ROBO3: variants seen among roughly 807,000 people sequenced by gnomAD.
The protein encoded by ROBO3 is roundabout guidance receptor 3.
ROBO3 carries 97 observed loss-of-function variants against 160.5 expected under a neutral mutation model. That is an observed-to-expected ratio of 0.60 (90% confidence interval 0.51 to 0.72). The LOEUF (loss-of-function observed/expected upper bound fraction) is 0.72. Among genes scored for constraint, ROBO3 ranks in the 30% least tolerant of loss-of-function variants. The pLI, the probability that ROBO3 is intolerant of heterozygous loss-of-function variation, is 0.00. For missense variants in ROBO3, 1,858 were observed against 1,846.5 expected (o/e 1.01, Z -0.11); for synonymous variants, 780 against 746.2 (o/e 1.05, Z -0.74).
Position 124,874,842 on chromosome 11 carries a change from C to A in ROBO3, c.2006C>A (p.Ala669Glu), listed in dbSNP as rs755278244. The change falls in exon 13 of 28, where the codon GCG becomes GAG. Residue 669 changes from alanine to glutamate, a missense_variant. Physicochemically the swap from Ala to Glu is moderately radical, Grantham distance 107. Transcript: ENST00000397801. Reference sequence around the variant, plus strand: ...CCATGGAGAGGCCAGCAGGGACTGGCGGAAGTGGCTGTGCGCCTGCAGGAG... The same window carrying A: ...CCATGGAGAGGCCAGCAGGGACTGGAGGAAGTGGCTGTGCGCCTGCAGGAG... ...EDPWRGQQGL[A>E]EVAVRLQEPI... is the part of the protein sequence containing the mutation. 3 of 1,602,088 alleles carry A rather than the reference C, an allele frequency of 1.9e-6. No homozygotes were observed. Among genetic ancestry groups the A allele is most frequent in the South Asian group, 2.3e-5 (2 of 88,756 alleles).
rs754489683 is a variant in ROBO3, at chr11:124,869,666, T to C, written c.645+59T>C. The C allele has an allele frequency of 7.4e-6, 11 of 1,485,358 alleles. No individual in the cohort carries two copies. The highest frequency in any genetic ancestry group is 6.4e-5 in the Admixed American group (3 of 46,532). The allele number at this position is 1,485,358 out of a possible 1,614,324, so 92.0% of individuals were successfully genotyped here. Reference sequence around the variant, plus strand: ...AGGGAGGGGACATAGGGTAGGGAGGTGACAAGGCTGGAGATTGAGATCAGG... The same window carrying C: ...AGGGAGGGGACATAGGGTAGGGAGGCGACAAGGCTGGAGATTGAGATCAGG... On this transcript the variant is annotated intron_variant, in intron 3 of 27. Coordinates refer to ENST00000397801, the MANE Select transcript of ROBO3 (RefSeq NM_022370.4). This position sits in a 1 kb window ranked among gnomAD's most constrained non-coding sequence, Gnocchi z 4.2.
intron 5 of ROBO3, 32 bp downstream of exon 5, chr11:124,870,335 C>G: frequency 6.2e-7 from 1 of 1,600,342 alleles, no homozygotes; most frequent in Non-Finnish European, 8.5e-7. Context: ...GTAGGAAGAC[C>G]CAACCTGATC....
In ROBO3 at chr11:124,872,482, G is replaced by A. The variant is rs1477371283; in HGVS notation, c.1260G>A (p.Gly420=). The change falls in exon 8 of 28, where the codon GGG becomes GGA. Residue 420 remains glycine (G), a synonymous_variant. Coordinates refer to ENST00000397801, the MANE Select transcript of ROBO3 (RefSeq NM_022370.4). This position sits in a 1 kb window ranked among gnomAD's most constrained non-coding sequence, Gnocchi z 4.3. The part of the protein sequence containing the change: ...NITAVQRGDA[G]YYVCQAVSVA... ...CCGCGGTGCAGCGTGGGGATGCTGG[G>A]TACTACGTGTGCCAGGCTGTCAGTG... 2.5e-6 allele frequency: 4 copies of A among 1,613,852 alleles called. No homozygotes were observed. The Admixed American group carries it at 6.7e-5, about 27-fold the overall frequency.
In ROBO3 at chr11:124,874,074, G is replaced by T. The variant is rs779047354; in HGVS notation, c.1789G>T (p.Ala597Ser). Residue 597 changes from alanine to serine, a missense_variant, in exon 12 of 28, where the codon GCA (alanine) becomes TCA (serine). Transcript: ENST00000397801. ...TSYVIEAFSP[A>S]AGNTWRTVAD... ...GTCATCTCCTTCTTGTTGTAGCCCA[G>T]CAGCTGGCAACACATGGCGTACTGT... 6.8e-6 allele frequency: 11 copies of T among 1,613,900 alleles called. No homozygotes were observed. In the South Asian group the frequency reaches 1.1e-4, roughly 16 times the overall value.
In ROBO3 at chr11:124,875,378, A is replaced by AAGGGGT. The variant is rs1946342057; in HGVS notation, c.2299+43_2299+48dup. On this transcript the variant is annotated intron_variant, in intron 14 of 27. Transcript: ENST00000397801. ...AACAGATGGATGGACAAGAGGGAAG[A>AAGGGGT]AGGGGTGGGGGTGGAGGTGGAGGGG... The AAGGGGT allele has an allele frequency of 4.9e-6, 4 of 818,302 alleles. No homozygotes were observed. In the East Asian group the frequency reaches 2.2e-4, roughly 44 times the overall value. The allele number at this position is 818,302 out of a possible 1,614,324, so 50.7% of individuals were successfully genotyped here.
chr11:124,873,643 C>T lies in ROBO3; in HGVS notation c.1619-54C>T, dbSNP rs1004096674. On this transcript the variant is annotated intron_variant, in intron 10 of 27. Transcript: ENST00000397801. The surrounding 1 kb of genome is among the most constrained non-coding windows in gnomAD (Gnocchi z 4.5). Reference sequence around the variant, plus strand: ...GCTCCCCTGGTAAGGAGACAGGTTACACTAGGATTATCCTTTCCCTATCTT... The same window carrying T: ...GCTCCCCTGGTAAGGAGACAGGTTATACTAGGATTATCCTTTCCCTATCTT... 73 of 1,508,280 alleles carry T rather than the reference C, an allele frequency of 4.8e-5. No homozygotes were observed. Among genetic ancestry groups the T allele is most frequent in the Non-Finnish European group, 6.2e-5 (69 of 1,110,692 alleles). 93.4% of individuals were successfully genotyped at this position (1,508,280 alleles called of 1,614,324 possible). A position where few individuals can be genotyped will look rare whatever the true frequency, so the allele number is the denominator to read the frequency against.
rs114324840 is a variant in ROBO3 at position 124,869,803 on chromosome 11, T to C, written c.646-145T>C. 84,977 of 1,292,018 alleles carry C rather than the reference T, an allele frequency of 0.066. 3,162 individuals carry two copies. Among genetic ancestry groups the C allele is most frequent in the South Asian group, 0.1 (7,234 of 70,074 alleles). 80.0% of individuals were successfully genotyped at this position (1,292,018 alleles called of 1,614,324 possible). A position where few individuals can be genotyped will look rare whatever the true frequency, so the allele number is the denominator to read the frequency against. ...TGCCCCAGGAACTTCCCATTTGATA[T>C]GTGGGTCAACTTCCTTGGTCTCCTT... On this transcript the variant is annotated intron_variant, in intron 3 of 27. Transcript: ENST00000397801. The surrounding 1 kb of genome is among the most constrained non-coding windows in gnomAD (Gnocchi z 4.2).
intron 26 of ROBO3, 111 bp downstream of exon 26, chr11:124,880,059 AT>A: frequency 9.0e-7 from 1 of 1,106,448 alleles, no homozygotes; most frequent in Non-Finnish European, 1.3e-6. Context: ...AGGTTCATGC[AT>A]TTGATCCACA....
In ROBO3 at chr11:124,879,555, G is replaced by A. The variant is rs752086818; in HGVS notation, c.3776G>A (p.Arg1259Lys). ...AAGAAACCCAAGGCTCTTCCCTACA[G>A]GAGGGAGAACAGTCCTGGGGGTGAG... ...FRKKPKALPY[R>K]RENSPGDLPP... Residue 1259 changes from arginine to lysine, a missense_variant, in exon 25 of 28, where the codon AGG (arginine) becomes AAG (lysine). By Grantham distance (26) the Arg-to-Lys change is conservative. Coordinates refer to ENST00000397801, the MANE Select transcript of ROBO3 (RefSeq NM_022370.4). The A allele has an allele frequency of 2.5e-6, 4 of 1,613,534 alleles. No homozygotes were observed. In the South Asian group the frequency reaches 4.4e-5, roughly 18 times the overall value.
rs1946300935 is a variant in ROBO3 at position 124,873,071 on chromosome 11, G to C, written c.1518G>C (p.Leu506=). The change falls in exon 9 of 28, where the codon CTG becomes CTC. Residue 506 remains leucine, a synonymous_variant. Transcript: ENST00000397801. The surrounding 1 kb of genome is among the most constrained non-coding windows in gnomAD (Gnocchi z 4.5). The part of the protein sequence containing the change: ...LQFKTMANGT[L]YIANVQEMDM... ...TCAAGACAATGGCCAACGGTACCCT[G>C]TACATCGCCAATGTGCAGGTGAGTG... The C allele has an allele frequency of 6.2e-7, 1 of 1,613,610 alleles. No homozygotes were observed. Among genetic ancestry groups the C allele is most frequent in the Admixed American group, 1.7e-5 (1 of 59,982 alleles).
chr11:124,865,454 G>A lies in ROBO3; in HGVS notation c.-124G>A, dbSNP rs572452660. ...ACCGTACCCAGGCGCACCGGCAGGA[G>A]AGCGGCACCGTGGCTGCCGCAGCGC... On this transcript the variant is annotated 5_prime_UTR_variant, in exon 1 of 28. Transcript: ENST00000397801. This position sits in a 1 kb window ranked among gnomAD's most constrained non-coding sequence, Gnocchi z 5.5. The A allele has an allele frequency of 5.2e-6, 5 of 958,942 alleles. No individual in the cohort carries two copies. The African/African-American group carries it at 6.6e-5, about 13-fold the overall frequency. 59.4% of individuals were successfully genotyped at this position (958,942 alleles called of 1,614,324 possible). A position where few individuals can be genotyped will look rare whatever the true frequency, so the allele number is the denominator to read the frequency against.
intron 6 of ROBO3, 77 bp downstream of exon 6, chr11:124,870,805 G>A: frequency 3.8e-6 from 6 of 1,572,406 alleles, no homozygotes; most frequent in Middle Eastern, 1.7e-4. Flanking sequence ...AGAGACTGAG[G>A]GAGAAAGGGC....
At chr11:124,877,242 T>G in intron 18 of ROBO3, 25 bp from the exon 19 acceptor site, 1 of 1,613,924 alleles carries the variant, frequency 6.2e-7, no homozygotes, top group Non-Finnish European at 8.5e-7. Context: ...CTTCTCTCAC[T>G]CATTCGCCCC....
In ROBO3 at chr11:124,869,042, C is replaced by A; in HGVS notation, c.401C>A (p.Ala134Glu). 1 of 1,602,460 alleles carries A rather than the reference C, an allele frequency of 6.2e-7. No individual in the cohort carries two copies. The highest frequency in any genetic ancestry group is 1.1e-5 in the South Asian group (1 of 89,168). ...FFPRIVHGRR[A>E]RPDEGVYTCV... ...CCGCGCATCGTGCACGGGCGCCGCG[C>A]GCGGCCGGACGAAGGTGTCTACACT... Residue 134 changes from alanine to glutamate, a missense_variant, in exon 2 of 28, where the codon GCG becomes GAG. Physicochemically the swap from Ala to Glu is moderately radical, Grantham distance 107. Transcript: ENST00000397801. The surrounding 1 kb of genome is among the most constrained non-coding windows in gnomAD (Gnocchi z 4.2).
At position 124,865,661 on chromosome 11, in the gene ROBO3, G is replaced by A; in HGVS notation, c.84G>A (p.Glu28=). 3 of 1,612,668 alleles carry A rather than the reference G, an allele frequency of 1.9e-6. No individual in the cohort carries two copies. The highest frequency in any genetic ancestry group is 1.1e-5 in the South Asian group (1 of 90,692). ...SLAGDISNSS[E]LLLGFNSSLA... is the part of the protein sequence containing the mutation. The stretch of plus-strand genomic sequence containing the variant: ...CCGGGGACATCTCCAACTCCAGCGA[G>A]CTGCTCTTGGGCTTCAACTCCTCGC... Residue 28 remains glutamate, a synonymous_variant, in exon 1 of 28, where the codon GAG becomes GAA. Transcript: ENST00000397801. This position sits in a 1 kb window ranked among gnomAD's most constrained non-coding sequence, Gnocchi z 5.5.
At chr11:124,867,721 C>A (rs1167207195) in intron 1 of ROBO3, among the ~76,000 whole-genome samples, 3 of 151,308 alleles carry the variant, frequency 2.0e-5, no homozygotes, top group African/African-American at 7.3e-5. Flanking sequence ...GAAATGAAAC[C>A]CAATCTCACA....
At chr11:124,870,539 T>TG (rs1199987933) in intron 5 of ROBO3, 62 bp from the exon 6 acceptor site, 1 of 1,609,338 alleles carries the variant, frequency 6.2e-7, no homozygotes, top group East Asian at 2.2e-5. Flanking sequence ...GTGTCTGTCC[T>TG]GGGGGAGAGA....
Position 124,869,597 on chromosome 11 carries a change from GA to G in ROBO3, c.637del (p.Arg213GlyfsTer9). The G allele has an allele frequency of 6.4e-7, 1 of 1,573,296 alleles. No individual in the cohort carries two copies. Among genetic ancestry groups the G allele is most frequent in the Non-Finnish European group, 8.6e-7 (1 of 1,158,138 alleles). ...KDGARLKEEE[G>X]RITIRGGKLM... ...GGTGCAAGACTCAAGGAAGAGGAAG[GA>G]AGGATCACGGTGAGGGCGGGATTAT... On this transcript the variant is annotated frameshift_variant, in exon 3 of 28. Coordinates refer to ENST00000397801, the MANE Select transcript of ROBO3 (RefSeq NM_022370.4). LOFTEE classifies it high-confidence loss of function. The surrounding 1 kb of genome is among the most constrained non-coding windows in gnomAD (Gnocchi z 4.2).
chr11:124,873,463 C>T lies in ROBO3; in HGVS notation c.1618+72C>T. The T allele has an allele frequency of 7.8e-7, 1 of 1,280,474 alleles. No individual in the cohort carries two copies. The highest frequency in any genetic ancestry group is 1.1e-6 in the Non-Finnish European group (1 of 898,502). The allele number at this position is 1,280,474 out of a possible 1,614,324, so 79.3% of individuals were successfully genotyped here. A position where few individuals can be genotyped will look rare whatever the true frequency, so the allele number is the denominator to read the frequency against. ...ACCTGCTTCAACAGGTAGTCGATAC[C>T]TCCTCAAACTCCGGGATTAACTTTA... is the stretch of plus-strand genomic sequence containing the variant. On this transcript the variant is annotated intron_variant, in intron 10 of 27. Transcript: ENST00000397801. This position sits in a 1 kb window ranked among gnomAD's most constrained non-coding sequence, Gnocchi z 4.5.
Sources: allele counts gnomAD v4.1 joint callset (sites outside exome capture counted in the v4.1 genomes callset), GRCh38; gene constraint gnomAD v4.1.1; non-coding constraint Gnocchi (gnomAD v3.1); transcripts MANE v1.5; gene names NCBI Gene and HGNC (gene_info 2026-07-23, HGNC 2026-07-21).